Variants in LTBP1 observed in about 807,000 individuals in gnomAD.
LTBP1 encodes latent transforming growth factor beta binding protein 1, also known as latent-transforming growth factor beta-binding protein 1.
LTBP1 carries 129 observed loss-of-function variants against 207.6 expected under a neutral mutation model. The observed-to-expected ratio is 0.62, with a 90% CI of 0.54 to 0.72. The LOEUF is 0.72. LTBP1 is among the 30% of genes least tolerant of loss of function. LTBP1 has a pLI of 0.00. For missense variants in LTBP1, 2,281 were observed against 2,217.2 expected (o/e 1.03, Z -0.58); for synonymous variants, 963 against 833.7 (o/e 1.16, Z -2.67).
chr2:33,383,749 C>T (rs546321187), intron 31 of LTBP1, among the ~76,000 whole-genome samples: 1 of 152,132 alleles, frequency 6.6e-6, no homozygotes, highest in Non-Finnish European at 1.5e-5. Flanking sequence ...GTTGCCCAGG[C>T]TGGTCTCAAA....
At chr2:33,237,414 G>GT (rs2092102155) in intron 9 of LTBP1, among the ~76,000 whole-genome samples, 1 of 152,088 alleles carries the variant, frequency 6.6e-6, no homozygotes, top group Non-Finnish European at 1.5e-5. Context: ...TAGAACATTG[G>GT]TTTTCAAATA....
At chr2:33,378,282 C>G (rs62150378) in intron 31 of LTBP1, among the ~76,000 whole-genome samples, 3,880 of 151,316 alleles carry the variant, frequency 0.026, 88 homozygotes, top group Non-Finnish European at 0.043. Context: ...CTGGAGTGCA[C>G]TGGCACGATC....
intron 3 of LTBP1, among the ~76,000 whole-genome samples, chr2:33,036,218 C>G (rs891108927): frequency 2.0e-5 from 3 of 152,048 alleles, no homozygotes; most frequent in Admixed American, 1.3e-4. Context: ...TCAGAGTTTC[C>G]GATTTGGTGG....
In LTBP1 at chr2:33,289,921, A is replaced by T. The variant is rs146577895; in HGVS notation, c.3113-3239A>T. Reference sequence around the variant, plus strand: ...TGGGTAGGCACCACCTGCTTCCTTCATAACCCATTTTGTGTTGCTGTAACG... The same window carrying T: ...TGGGTAGGCACCACCTGCTTCCTTCTTAACCCATTTTGTGTTGCTGTAACG... On this transcript the variant is annotated intron_variant, in intron 19 of 33. Coordinates refer to ENST00000404816, the MANE Select transcript of LTBP1 (RefSeq NM_206943.4). 3.0e-3 allele frequency among the ~76,000 whole-genome samples: 458 copies of T among 152,278 alleles called. 2 individuals are homozygous for T. The highest frequency in any genetic ancestry group is 0.011 in the African/African-American group (439 of 41,552).
chr2:33,078,944 C>T (rs1376286282), intron 3 of LTBP1, among the ~76,000 whole-genome samples: 6 of 145,438 alleles, frequency 4.1e-5, no homozygotes, highest in African/African-American at 1.0e-4. Context: ...CTGCAAGCTC[C>T]GCCTCCCTGC....
chr2:33,269,686 G>A (rs956306699), intron 15 of LTBP1, among the ~76,000 whole-genome samples: 1 of 152,188 alleles, frequency 6.6e-6, no homozygotes, highest in Non-Finnish European at 1.5e-5. Context: ...TCTTCTACAT[G>A]AACTGATCTA....
chr2:33,141,019 A>C (rs893435402), intron 5 of LTBP1, among the ~76,000 whole-genome samples: 2 of 152,222 alleles, frequency 1.3e-5, no homozygotes, highest in African/African-American at 2.4e-5. Flanking sequence ...TAGTATTAGG[A>C]ACAGTTATTC....
At chr2:33,256,042 C>T (rs982546093) in intron 11 of LTBP1, among the ~76,000 whole-genome samples, 10 of 151,866 alleles carry the variant, frequency 6.6e-5, no homozygotes, top group East Asian at 5.8e-4. Context: ...GGGATTATGC[C>T]GTGGAGGTTA....
chr2:33,119,639 C>T, intron 4 of LTBP1, among the ~76,000 whole-genome samples: 1 of 152,194 alleles, frequency 6.6e-6, no homozygotes, highest in East Asian at 1.9e-4. Context: ...TTACTGCAAG[C>T]TCCGCCTCCC....
chr2:33,223,970 C>G (rs1390963952), intron 9 of LTBP1, among the ~76,000 whole-genome samples: 1 of 152,202 alleles, frequency 6.6e-6, no homozygotes, highest in Non-Finnish European at 1.5e-5. Context: ...CTTCAGGAAA[C>G]TCGGTGTCGA....
rs2094181254 is a variant in LTBP1 at position 33,311,168 on chromosome 2, C to A, written c.3604+1612C>A. 2.0e-5 allele frequency among the ~76,000 whole-genome samples: 3 copies of A among 151,970 alleles called. No homozygotes were observed. The South Asian group carries it at 6.2e-4, about 32-fold the overall frequency. On this transcript the variant is annotated intron_variant, in intron 23 of 33. Coordinates refer to ENST00000404816, the MANE Select transcript of LTBP1 (RefSeq NM_206943.4). ...TATATATCTATATTACCGGTCACACCCAGCCATGTGTCAGAGATATGAAAA... is the reference window on the plus strand; with the variant it reads ...TATATATCTATATTACCGGTCACACACAGCCATGTGTCAGAGATATGAAAA...
rs2093534303 is a variant in LTBP1, at chr2:33,280,297, A to G, written c.3112+139A>G. On this transcript the variant is annotated intron_variant, in intron 19 of 33. Coordinates refer to ENST00000404816, the MANE Select transcript of LTBP1 (RefSeq NM_206943.4). ...CATCATTCTAAGAAAAGTTCCCAGT[A>G]ACTTTTAACCATTGAGAAAATAAGA... 4.8e-6 allele frequency: 4 copies of G among 836,808 alleles called. No individual in the cohort carries two copies. In the East Asian group the frequency reaches 9.2e-5, roughly 19 times the overall value. The allele number at this position is 836,808 out of a possible 1,614,324, so 51.8% of individuals were successfully genotyped here.
intron 3 of LTBP1, among the ~76,000 whole-genome samples, chr2:33,054,873 C>T (rs2076912404): frequency 6.6e-6 from 1 of 152,176 alleles, no homozygotes; most frequent in South Asian, 2.1e-4. Flanking sequence ...ACCCAGGGAA[C>T]CTTCATCCTC....
intron 5 of LTBP1, among the ~76,000 whole-genome samples, chr2:33,156,569 CA>C (rs1304692163): frequency 6.6e-6 from 1 of 151,972 alleles, no homozygotes; most frequent in African/African-American, 2.4e-5. Context: ...GCATGGTTTG[CA>C]AAAAGGCTTT....
chr2:32,998,706 T>C (rs567052093), intron 2 of LTBP1, among the ~76,000 whole-genome samples: 1 of 152,186 alleles, frequency 6.6e-6, no homozygotes, highest in East Asian at 1.9e-4. Flanking sequence ...GGAGCCCTCA[T>C]GACTGAAATT....
At chr2:32,979,219 A>T in intron 2 of LTBP1, among the ~76,000 whole-genome samples, 1 of 148,714 alleles carries the variant, frequency 6.7e-6, no homozygotes, top group Non-Finnish European at 1.5e-5. Context: ...GATCTTTATT[A>T]TTTCTTTTGT....
chr2:33,082,611 G>C (rs2078507096), intron 3 of LTBP1, among the ~76,000 whole-genome samples: 1 of 151,884 alleles, frequency 6.6e-6, no homozygotes, highest in South Asian at 2.1e-4. Flanking sequence ...ATTTTTAGTA[G>C]AGATGGGGTT....
chr2:33,367,565 C>T (rs1201573891), intron 31 of LTBP1, among the ~76,000 whole-genome samples: 1 of 152,166 alleles, frequency 6.6e-6, no homozygotes, highest in Non-Finnish European at 1.5e-5. Flanking sequence ...CATGTGTACC[C>T]ATTGTTTAGC....
In LTBP1 at chr2:33,293,239, C is replaced by T; in HGVS notation, c.3192C>T (p.Cys1064=). 6.2e-7 allele frequency: 1 copy of T among 1,613,998 alleles called. No individual in the cohort carries two copies. Among genetic ancestry groups the T allele is most frequent in the Non-Finnish European group, 8.5e-7 (1 of 1,179,930 alleles). ...SNLEGSYMCS[C]HKGYTRTPDH... ...TTGAAGGCTCCTACATGTGTTCATG[C>T]CACAAAGGCTATACCCGGACTCCGG... The change falls in exon 20 of 34, where the codon TGC becomes TGT. Residue 1064 remains cysteine (C), a synonymous_variant. Transcript: ENST00000404816.
Sources: gnomAD v4.1 joint callset for allele counts (sites outside exome capture counted in the v4.1 genomes callset) on GRCh38, gnomAD v4.1.1 for gene constraint, MANE v1.5 for transcripts, NCBI Gene and HGNC (gene_info 2026-07-23, HGNC 2026-07-21) for gene names.